KCNK1: variants seen among roughly 807,000 people sequenced by gnomAD.
The protein encoded by KCNK1 is potassium two pore domain channel subfamily K member 1.
In KCNK1, 10 loss-of-function variants were observed where a neutral mutation model predicts 22.2. The observed-to-expected ratio is 0.45, with a 90% confidence interval of 0.28 to 0.76. The LOEUF (loss-of-function observed/expected upper bound fraction) is 0.76. Ranked by LOEUF, KCNK1 falls within the 30% of genes least tolerant of loss-of-function variation. The pLI is 0.14. For synonymous variants in KCNK1, 200 were observed against 186.4 expected (o/e 1.07, Z -0.60); for missense variants, 378 against 421.0 (o/e 0.90, Z 0.89).
chr1:233,663,615 C>CA (rs1227426712), intron 1 of KCNK1, among the ~76,000 whole-genome samples: 2 of 151,926 alleles, frequency 1.3e-5, no homozygotes, highest in Non-Finnish European at 2.9e-5. Flanking sequence ...AAAAGGCTAC[C>CA]AAAAAAAGTA....
At chr1:233,619,859 A>G (rs1480098039) in intron 1 of KCNK1, among the ~76,000 whole-genome samples, 2 of 143,356 alleles carry the variant, frequency 1.4e-5, no homozygotes, top group African/African-American at 2.5e-5. Flanking sequence ...GCAGTGAGCC[A>G]AGATCACGCC....
intron 1 of KCNK1, among the ~76,000 whole-genome samples, chr1:233,645,740 G>A (rs1330244636): frequency 6.6e-6 from 1 of 152,178 alleles, no homozygotes; most frequent in African/African-American, 2.4e-5. Flanking sequence ...GCGTACATTA[G>A]GGGGTGGAGG....
intron 1 of KCNK1, among the ~76,000 whole-genome samples, chr1:233,651,218 A>T (rs750701256): frequency 2.8e-4 from 42 of 152,168 alleles, no homozygotes; most frequent in Non-Finnish European, 4.9e-4. Flanking sequence ...AGGAAAAGAA[A>T]TCTAAATCCT....
intron 1 of KCNK1, chr1:233,630,836 TTGA>T (rs957806698): frequency 8.1e-5 from 13 of 159,688 alleles, no homozygotes; most frequent in African/African-American, 3.1e-4. Context: ...CAAAACCAGG[TTGA>T]TGAGACTTTC....
rs550529341 is a variant in KCNK1 at position 233,633,281 on chromosome 1, C to T, written c.355+18755C>T. Among the ~76,000 whole-genome samples the T allele has an allele frequency of 2.0e-5, 3 of 150,164 alleles. No individual in the cohort carries two copies. In the South Asian group the frequency reaches 6.5e-4, roughly 32 times the overall value. On this transcript the variant is annotated intron_variant, in intron 1 of 2. Transcript: ENST00000366621. ...CAAAGTATGTAAACAAACAAACAAA[C>T]AAAAAAAACCACACCACATTTTTAG...
chr1:233,655,687 A>G (rs568290955), intron 1 of KCNK1: 58 of 152,344 alleles, frequency 3.8e-4, no homozygotes, highest in African/African-American at 1.2e-3. Flanking sequence ...CATAAGAGGG[A>G]CTCCTTCCTC....
In KCNK1 at chr1:233,630,646, G is replaced by A. The variant is rs143488710; in HGVS notation, c.355+16120G>A. The A allele has an allele frequency of 6.7e-3, 1,017 of 152,220 alleles. 7 individuals carry two copies. Among genetic ancestry groups the A allele is most frequent in the Non-Finnish European group, 0.011 (719 of 68,038 alleles). The allele number at this position is 152,220 out of a possible 1,614,324, so 9.4% of individuals were successfully genotyped here. A position where few individuals can be genotyped will look rare whatever the true frequency, so the allele number is the denominator to read the frequency against. On this transcript the variant is annotated intron_variant, in intron 1 of 2. Coordinates refer to ENST00000366621, the MANE Select transcript of KCNK1 (RefSeq NM_002245.4). ...TCAGATAGGAATTTTTTTTAACTAC[G>A]CACAGAATCACACTTGCGAAGTCTT...
chr1:233,666,569 C>G, intron 1 of KCNK1, 26 bp from the exon 2 acceptor site: 1 of 1,568,256 alleles, frequency 6.4e-7, no homozygotes, highest in Non-Finnish European at 8.7e-7. Context: ...TTCCTCTTCG[C>G]CTCAGTGACC....
At position 233,627,449 on chromosome 1, in the gene KCNK1, C is replaced by T. The variant is rs116211050; in HGVS notation, c.355+12923C>T. ...ATTAAAGAACCTGGAGAGGCTGTTC[C>T]GCAGCTGCCTAGGTGTCAGACTGAC... On this transcript the variant is annotated intron_variant, in intron 1 of 2. Coordinates refer to ENST00000366621, the MANE Select transcript of KCNK1 (RefSeq NM_002245.4). Among the ~76,000 whole-genome samples the T allele has an allele frequency of 7.1e-3, 1,077 of 152,234 alleles. 13 individuals carry two copies. Among genetic ancestry groups the T allele is most frequent in the African/African-American group, 0.024 (986 of 41,524 alleles).
Position 233,614,475 on chromosome 1 carries a change from T to C in KCNK1, c.304T>C (p.Trp102Arg). Residue 102 changes from tryptophan (W) to arginine (R), a missense_variant, in exon 1 of 3, where the codon TGG becomes CGG. Coordinates refer to ENST00000366621, the MANE Select transcript of KCNK1 (RefSeq NM_002245.4). ...CAGCAACGCCTCGGGCAACTGGAAC[T>C]GGGACTTCACCTCCGCGCTCTTCTT... The part of the protein sequence containing the change: ...VLSNASGNWN[W>R]DFTSALFFAS... The C allele has an allele frequency of 6.2e-7, 1 of 1,612,922 alleles. No homozygotes were observed. The highest frequency in any genetic ancestry group is 8.5e-7 in the Non-Finnish European group (1 of 1,179,588).
intron 1 of KCNK1, chr1:233,649,899 C>A (rs1304689495): frequency 9.4e-6 from 5 of 529,840 alleles, no homozygotes; most frequent in Non-Finnish European, 1.9e-5. Context: ...GATTCTAGGT[C>A]TAGAACACCA....
At chr1:233,631,159 C>CA in intron 1 of KCNK1, 1 of 439,830 alleles carries the variant, frequency 2.3e-6, no homozygotes, top group South Asian at 1.7e-5. Flanking sequence ...AATTGTCCAT[C>CA]ATCCACAGTC....
At chr1:233,660,088 T>C (rs1047401416) in intron 1 of KCNK1, among the ~76,000 whole-genome samples, 1 of 152,228 alleles carries the variant, frequency 6.6e-6, no homozygotes, top group Non-Finnish European at 1.5e-5. Context: ...ACATGAGTAG[T>C]CAAGGGGACA....
intron 1 of KCNK1, among the ~76,000 whole-genome samples, chr1:233,662,269 CTT>C (rs1491580709): frequency 5.2e-4 from 52 of 99,402 alleles, no homozygotes; most frequent in East Asian, 4.7e-3. Flanking sequence ...TCTTCTTCTT[CTT>C]CTCCTCCTCC....
At chr1:233,620,035 C>T (rs1452642004) in intron 1 of KCNK1, among the ~76,000 whole-genome samples, 2 of 151,756 alleles carry the variant, frequency 1.3e-5, no homozygotes, top group Non-Finnish European at 2.9e-5. Flanking sequence ...CTAAGAATGG[C>T]TTTATATTTT....
chr1:233,667,485 C>T (rs541114308), intron 2 of KCNK1, among the ~76,000 whole-genome samples: 26 of 152,174 alleles, frequency 1.7e-4, no homozygotes, highest in African/African-American at 6.0e-4. Flanking sequence ...AATCCCAGCA[C>T]TTTGGGAGGC....
At chr1:233,649,184 A>G (rs1304376162) in intron 1 of KCNK1, among the ~76,000 whole-genome samples, 2 of 152,230 alleles carry the variant, frequency 1.3e-5, no homozygotes, top group African/African-American at 4.8e-5. Context: ...AGGGACAAAG[A>G]GTTAACATTT....
At position 233,671,250 on chromosome 1, in the gene KCNK1, A is replaced by G. The variant is rs1032220898; in HGVS notation, c.752-21A>G. On this transcript the variant is annotated intron_variant, in intron 2 of 2. Coordinates refer to ENST00000366621, the MANE Select transcript of KCNK1 (RefSeq NM_002245.4). ...ATCCATGTTGAGATCACACTAAGAC[A>G]GTGTCCTGTTTCTCACACAGGTTAC... 3.1e-6 allele frequency: 5 copies of G among 1,612,282 alleles called. No individual in the cohort carries two copies. In the South Asian group the frequency reaches 5.5e-5, roughly 18 times the overall value.
intron 1 of KCNK1, among the ~76,000 whole-genome samples, chr1:233,629,402 A>G (rs1247352823): frequency 6.6e-6 from 1 of 152,052 alleles, no homozygotes; most frequent in East Asian, 2.0e-4. Context: ...AAAGGGACAT[A>G]TACTCAGCAC....
Sources: allele counts gnomAD v4.1 joint callset (sites outside exome capture counted in the v4.1 genomes callset), GRCh38; gene constraint gnomAD v4.1.1; transcripts MANE v1.5; gene names NCBI Gene and HGNC (gene_info 2026-07-23, HGNC 2026-07-21).